Variants in COL14A1 observed in about 807,000 individuals in gnomAD.
The protein encoded by COL14A1 is collagen type XIV alpha 1 chain.
A neutral mutation model predicts 230.3 loss-of-function variants in COL14A1; 136 were observed. That is an observed-to-expected ratio of 0.59 (90% confidence interval 0.51 to 0.68). The LOEUF is 0.68. Among genes scored for constraint, COL14A1 ranks in the 30% least tolerant of loss-of-function variants. COL14A1 has a pLI of 0.00. For missense variants in COL14A1, 1,976 were observed against 2,215.8 expected, an observed-to-expected ratio of 0.89 and a Z score of 2.17; for synonymous variants, 792 against 784.1, an observed-to-expected ratio of 1.01 and a Z score of -0.17.
At chr8:120,274,671 T>A (rs1369945849) in intron 26 of COL14A1, among the ~76,000 whole-genome samples, 2 of 151,802 alleles carry the variant, frequency 1.3e-5, no homozygotes, top group Non-Finnish European at 2.9e-5. Flanking sequence ...AGCACTGCTA[T>A]ACACCAACGA....
Position 120,231,334 on chromosome 8 carries a change from C to T in COL14A1, c.2198-133C>T, listed in dbSNP as rs561786864. ...CATTAAGCACCATAGCTGAGCCCTT[C>T]TTGCCTCATATACAACTATATTACA... On this transcript the variant is annotated intron_variant, in intron 18 of 47. Coordinates refer to ENST00000297848, the MANE Select transcript of COL14A1 (RefSeq NM_021110.4). 5 of 916,056 alleles carry T rather than the reference C, an allele frequency of 5.5e-6. No individual in the cohort carries two copies. In the African/African-American group the frequency reaches 6.7e-5, roughly 12 times the overall value. The allele number at this position is 916,056 out of a possible 1,614,324, so 56.7% of individuals were successfully genotyped here. A position where few individuals can be genotyped will look rare whatever the true frequency, so the allele number is the denominator to read the frequency against.
rs1298165054 is a variant in COL14A1, at chr8:120,251,992, A to AT, written c.2752+1234dup. 1.5e-4 allele frequency among the ~76,000 whole-genome samples: 23 copies of AT among 151,460 alleles called. No homozygotes were observed. In the East Asian group the frequency reaches 2.7e-3, roughly 18 times the overall value. The stretch of plus-strand genomic sequence containing the variant: ...TGTTTCAAATACTCACTATTCTTTC[A>AT]TTTTTTTTCTAGCTTTATTGAGGTA... On this transcript the variant is annotated intron_variant, in intron 22 of 47. Transcript: ENST00000297848.
intron 37 of COL14A1, among the ~76,000 whole-genome samples, chr8:120,312,269 A>G (rs960497456): frequency 2.6e-5 from 4 of 152,046 alleles, no homozygotes; most frequent in African/African-American, 9.7e-5. Context: ...CCTTGTAAGA[A>G]TAGTTATCAT....
At position 120,243,912 on chromosome 8, in the gene COL14A1, C is replaced by T. The variant is rs202199814; in HGVS notation, c.2383C>T (p.Leu795=). Residue 795 remains leucine, a synonymous_variant, in exon 20 of 48, where the codon CTG becomes TTG. Transcript: ENST00000297848. ...GCCTGGAAGCCAGAACAACCTCCTTCTGAAGCCTCTGCTTCCTGATACTGA... is the reference window on the plus strand; with the variant it reads ...GCCTGGAAGCCAGAACAACCTCCTTTTGAAGCCTCTGCTTCCTGATACTGA... ...MVPGSQNNLL[L]KPLLPDTEYK... The T allele has an allele frequency of 5.8e-5, 93 of 1,613,624 alleles. No homozygotes were observed. The highest frequency in any genetic ancestry group is 7.7e-5 in the Non-Finnish European group (91 of 1,179,740).
chr8:120,279,215 A>G (rs1171886427), intron 28 of COL14A1, among the ~76,000 whole-genome samples: 1 of 152,086 alleles, frequency 6.6e-6, no homozygotes, highest in African/African-American at 2.4e-5. Flanking sequence ...CTTAAAACCT[A>G]GATGACAGGT....
intron 45 of COL14A1, among the ~76,000 whole-genome samples, chr8:120,360,612 A>T (rs1823162961): frequency 6.6e-6 from 1 of 152,204 alleles, no homozygotes; most frequent in East Asian, 1.9e-4. Flanking sequence ...GCCATATTGG[A>T]AAGCCTTCTG....
At chr8:120,297,897 T>A (rs547762264) in intron 35 of COL14A1, among the ~76,000 whole-genome samples, 40 of 152,182 alleles carry the variant, frequency 2.6e-4, no homozygotes, top group Non-Finnish European at 3.7e-4. Context: ...AAGAAACACC[T>A]TGCAGTTCCA....
intron 14 of COL14A1, among the ~76,000 whole-genome samples, chr8:120,220,337 G>A (rs769472141): frequency 6.7e-5 from 10 of 148,850 alleles, no homozygotes; most frequent in South Asian, 2.1e-4. Context: ...GCAGTGGCAC[G>A]ATCTTGGCTC....
chr8:120,280,654 G>A (rs1820004676), intron 29 of COL14A1, 57 bp from the exon 30 acceptor site: 1 of 1,510,532 alleles, frequency 6.6e-7, no homozygotes, highest in Non-Finnish European at 9.2e-7. Flanking sequence ...GACAGGGAAA[G>A]AGTATGTTTG....
intron 11 of COL14A1, 45 bp downstream of exon 11, chr8:120,208,406 C>T: frequency 6.4e-7 from 1 of 1,564,480 alleles, no homozygotes; most frequent in African/African-American, 1.4e-5. Flanking sequence ...TAGAGTGCTG[C>T]TTAGGAGGCC....
intron 45 of COL14A1, among the ~76,000 whole-genome samples, 179 bp downstream of exon 45, chr8:120,345,742 G>A (rs771872745): frequency 2.6e-5 from 4 of 152,174 alleles, no homozygotes; most frequent in Non-Finnish European, 5.9e-5. Flanking sequence ...TGAGCAATCT[G>A]CCAAGTGGTT....
intron 9 of COL14A1, among the ~76,000 whole-genome samples, chr8:120,205,777 G>A (rs772317898): frequency 8.5e-5 from 13 of 152,276 alleles, no homozygotes; most frequent in Middle Eastern, 3.4e-3. Flanking sequence ...TGATGATACA[G>A]CATGTAATAA....
chr8:120,283,876 C>T (rs759492321), intron 32 of COL14A1, 98 bp downstream of exon 32: 187 of 926,470 alleles, frequency 2.0e-4, no homozygotes, highest in Middle Eastern at 7.5e-4. Flanking sequence ...GAGTAACTCA[C>T]TAATCTTATG....
At chr8:120,305,381 C>A (rs1820828136) in intron 36 of COL14A1, among the ~76,000 whole-genome samples, 1 of 152,036 alleles carries the variant, frequency 6.6e-6, no homozygotes, top group South Asian at 2.1e-4. Flanking sequence ...AGGAATATGC[C>A]TAGGACATAA....
At chr8:120,190,703 T>A (rs926684546) in intron 5 of COL14A1, among the ~76,000 whole-genome samples, 2 of 152,206 alleles carry the variant, frequency 1.3e-5, no homozygotes, top group African/African-American at 2.4e-5. Flanking sequence ...AAGCTATTGA[T>A]TATTGCCACA....
At chr8:120,160,573 A>G (rs1275115710) in intron 3 of COL14A1, among the ~76,000 whole-genome samples, 1 of 152,232 alleles carries the variant, frequency 6.6e-6, no homozygotes, top group Non-Finnish European at 1.5e-5. Flanking sequence ...ATTGGGAATG[A>G]AAGCAAATTA....
chr8:120,274,440 C>T (rs111848407), intron 26 of COL14A1, among the ~76,000 whole-genome samples: 1,605 of 151,836 alleles, frequency 0.011, 28 homozygotes, highest in African/African-American at 0.036. Context: ...TCATTTTCAC[C>T]GCTTCTATTC....
intron 33 of COL14A1, among the ~76,000 whole-genome samples, chr8:120,287,675 A>T (rs997817381): frequency 1.3e-5 from 2 of 152,076 alleles, no homozygotes; most frequent in Non-Finnish European, 2.9e-5. Context: ...ATGAAGGAAG[A>T]CTTCCCTCTA....
At position 120,227,304 on chromosome 8, in the gene COL14A1, C is replaced by T. The variant is rs1818129289; in HGVS notation, c.2089C>T (p.Leu697Phe). 2.5e-6 allele frequency: 4 copies of T among 1,614,032 alleles called. No individual in the cohort carries two copies. The highest frequency in any genetic ancestry group is 1.7e-4 in the Middle Eastern group (1 of 6,018). ...TEYEVSLLAV[L>F]DDGSESEVVT... Reference sequence around the variant, plus strand: ...GTATGAAGTTTCACTATTGGCCGTACTTGATGATGGAAGCGAGAGTGAGGT... The same window carrying T: ...GTATGAAGTTTCACTATTGGCCGTATTTGATGATGGAAGCGAGAGTGAGGT... The change falls in exon 17 of 48, where the codon CTT becomes TTT. Residue 697 changes from leucine (L) to phenylalanine (F), a missense_variant. This residue lies in a region of COL14A1 where 1,791 missense variants were observed against 2,019.5 expected (regional missense o/e 0.89). Transcript: ENST00000297848.
Sources: allele counts gnomAD v4.1 joint callset (sites outside exome capture counted in the v4.1 genomes callset), GRCh38; gene constraint gnomAD v4.1.1; regional missense constraint gnomAD v4.1.1; transcripts MANE v1.5; gene names NCBI Gene and HGNC (gene_info 2026-07-23, HGNC 2026-07-21).